The following ACSM5 variants were observed in gnomAD, a reference collection of about 807,000 sequenced individuals.
ACSM5 encodes acyl-CoA synthetase medium chain family member 5, also known as acyl-coenzyme A synthetase ACSM5, mitochondrial.
Under a neutral mutation model 71.6 loss-of-function variants are expected in ACSM5, and 56 were observed. The ratio of observed to expected loss-of-function variants is 0.78; its 90% CI spans 0.63 to 0.98. ACSM5 has a LOEUF of 0.98. ACSM5 is among the 50% of genes least tolerant of loss of function. The pLI is 0.00. For synonymous variants in ACSM5, 285 were observed against 281.5 expected (o/e 1.01, Z -0.12); for missense variants, 723 against 726.0 (o/e 1.00, Z 0.05).
chr16:20,438,290 A>T (rs1358499059), intron 12 of ACSM5, among the ~76,000 whole-genome samples: 1 of 152,010 alleles, frequency 6.6e-6, no homozygotes, highest in Non-Finnish European at 1.5e-5. Flanking sequence ...TCTCAGAAGC[A>T]TCAAGACCAC....
intron 1 of ACSM5, among the ~76,000 whole-genome samples, chr16:20,410,004 A>G (rs1019417266): frequency 1.3e-5 from 2 of 152,128 alleles, no homozygotes; most frequent in South Asian, 2.1e-4. Flanking sequence ...GCTGGGGCCT[A>G]TGTTTTTCCA....
At chr16:20,414,345 G>A (rs1204666863) in intron 2 of ACSM5, among the ~76,000 whole-genome samples, 1 of 152,158 alleles carries the variant, frequency 6.6e-6, no homozygotes, top group Non-Finnish European at 1.5e-5. Context: ...CTATGAGAAG[G>A]CAGGAGGGTC....
At chr16:20,422,934 T>C (rs1469958483) in intron 5 of ACSM5, among the ~76,000 whole-genome samples, 1 of 152,172 alleles carries the variant, frequency 6.6e-6, no homozygotes, top group Admixed American at 6.5e-5. Flanking sequence ...GGATGAGCTG[T>C]CTGGTGGCAA....
chr16:20,410,909 CA>C lies in ACSM5; in HGVS notation c.-15-553del, dbSNP rs374488705. The stretch of plus-strand genomic sequence containing the variant: ...ATTTCAGATTGTGAGGACTTAGTAC[CA>C]AAAAAAACAAAAAATAAATAAAAGT... On this transcript the variant is annotated intron_variant, in intron 1 of 13. Coordinates refer to ENST00000331849, the MANE Select transcript of ACSM5 (RefSeq NM_017888.3). Among the ~76,000 whole-genome samples, 202 of 150,292 alleles carry C rather than the reference CA, an allele frequency of 1.3e-3. 3 individuals carry two copies. In the South Asian group the frequency reaches 0.036, roughly 27 times the overall value.
chr16:20,440,066 T>C lies in ACSM5; in HGVS notation c.1656+147T>C, dbSNP rs559688481. The stretch of plus-strand genomic sequence containing the variant: ...TGGCTGCTGCTTCAGCTTTTTTCTG[T>C]ATTTCTTCACTTGGATTCTCCCCAA... On this transcript the variant is annotated intron_variant, in intron 13 of 13. Coordinates refer to ENST00000331849, the MANE Select transcript of ACSM5 (RefSeq NM_017888.3). The C allele has an allele frequency of 2.6e-6, 3 of 1,137,752 alleles. 1 individual carries two copies. The highest frequency in any genetic ancestry group is 2.5e-5 in the East Asian group (1 of 39,374). 70.5% of individuals were successfully genotyped at this position (1,137,752 alleles called of 1,614,324 possible). A position where few individuals can be genotyped will look rare whatever the true frequency, so the allele number is the denominator to read the frequency against.
chr16:20,440,589 G>C lies in ACSM5; in HGVS notation c.*162G>C, dbSNP rs1273211125. On this transcript the variant is annotated 3_prime_UTR_variant, in exon 14 of 14. Coordinates refer to ENST00000331849, the MANE Select transcript of ACSM5 (RefSeq NM_017888.3). ...CAGGATCACTGGGCAATGCTGGAAA[G>C]AGCAAAAGAATATCATTGGCCCTGA... The C allele has an allele frequency of 1.3e-5, 8 of 639,848 alleles. No individual in the cohort carries two copies. Among genetic ancestry groups the C allele is most frequent in the Non-Finnish European group, 2.0e-5 (7 of 358,526 alleles). 39.6% of individuals were successfully genotyped at this position (639,848 alleles called of 1,614,324 possible). A position where few individuals can be genotyped will look rare whatever the true frequency, so the allele number is the denominator to read the frequency against.
intron 4 of ACSM5, among the ~76,000 whole-genome samples, chr16:20,420,325 G>T (rs1349136417): frequency 6.6e-6 from 1 of 152,234 alleles, no homozygotes; most frequent in East Asian, 1.9e-4. Flanking sequence ...ATAGGGCCAG[G>T]CGCCATGGCT....
At chr16:20,418,505 G>A (rs539764507) in intron 3 of ACSM5, among the ~76,000 whole-genome samples, 2 of 152,318 alleles carry the variant, frequency 1.3e-5, no homozygotes, top group South Asian at 2.1e-4. Flanking sequence ...CGGCAAACTG[G>A]AGATCACATG....
At chr16:20,435,178 G>A (rs530545428) in intron 10 of ACSM5, among the ~76,000 whole-genome samples, 14 of 151,988 alleles carry the variant, frequency 9.2e-5, no homozygotes, top group Non-Finnish European at 1.3e-4. Context: ...GATTACAGGC[G>A]CCTGCCGCCA....
At chr16:20,416,845 A>G (rs1329774432) in intron 2 of ACSM5, among the ~76,000 whole-genome samples, 1 of 152,154 alleles carries the variant, frequency 6.6e-6, no homozygotes, top group African/African-American at 2.4e-5. Context: ...CTCAAACTAG[A>G]CAGTGAAAAA....
chr16:20,421,086 T>C, intron 4 of ACSM5, 172 bp from the exon 5 acceptor site: 3 of 679,790 alleles, frequency 4.4e-6, no homozygotes, highest in Non-Finnish European at 6.5e-6. Context: ...AGGGTTATAA[T>C]GATAGTACCT....
intron 6 of ACSM5, among the ~76,000 whole-genome samples, chr16:20,424,288 C>T (rs1378451439): frequency 2.0e-5 from 3 of 152,162 alleles, no homozygotes; most frequent in Non-Finnish European, 4.4e-5. Context: ...CATTTTGTTG[C>T]TATTTCTTTT....
Position 20,429,816 on chromosome 16 carries a change from G to C in ACSM5, c.1125+15G>C, listed in dbSNP as rs1236573134. 1 of 1,610,478 alleles carries C rather than the reference G, an allele frequency of 6.2e-7. No homozygotes were observed. Among genetic ancestry groups the C allele is most frequent in the African/African-American group, 1.3e-5 (1 of 74,866 alleles). ...AGTCTGAAACGGTGAGTGCTGGAGG[G>C]GCCAGGTCCCTACCCCCCAGGTCCC... On this transcript the variant is annotated intron_variant, in intron 8 of 13. Coordinates refer to ENST00000331849, the MANE Select transcript of ACSM5 (RefSeq NM_017888.3).
chr16:20,431,146 G>C lies in ACSM5; in HGVS notation c.1206+73G>C, dbSNP rs528029586. 6 of 1,589,154 alleles carry C rather than the reference G, an allele frequency of 3.8e-6. No individual in the cohort carries two copies. In the South Asian group the frequency reaches 6.7e-5, roughly 18 times the overall value. On this transcript the variant is annotated intron_variant, in intron 9 of 13. Transcript: ENST00000331849. ...AAGACACACAGGCCTGGTTGGCACG[G>C]GCTGCTGGGCTGCTGGGAGAGGCCC...
chr16:20,430,174 C>T lies in ACSM5; in HGVS notation c.1125+373C>T, dbSNP rs530479470. Among the ~76,000 whole-genome samples the T allele has an allele frequency of 1.1e-4, 16 of 150,660 alleles. No homozygotes were observed. In the South Asian group the frequency reaches 1.7e-3, roughly 16 times the overall value. On this transcript the variant is annotated intron_variant, in intron 8 of 13. Transcript: ENST00000331849. ...AGAATTCATCCATGTTACAAAAAAA[C>T]GCTCGAACCCAAAAAGCTATTGAAA...
At chr16:20,429,202 G>A (rs1309633132) in intron 7 of ACSM5, among the ~76,000 whole-genome samples, 12 of 151,982 alleles carry the variant, frequency 7.9e-5, no homozygotes, top group Non-Finnish European at 1.5e-4. Flanking sequence ...CGGTAGAGAC[G>A]GGGTTTTACC....
intron 4 of ACSM5, among the ~76,000 whole-genome samples, chr16:20,420,903 T>A (rs1966875553): frequency 6.6e-6 from 1 of 151,672 alleles, no homozygotes; most frequent in East Asian, 1.9e-4. Flanking sequence ...TAGAAAAGAG[T>A]TCTAAATTAT....
intron 10 of ACSM5, among the ~76,000 whole-genome samples, chr16:20,434,284 A>G (rs1967153626): frequency 6.6e-6 from 1 of 152,172 alleles, no homozygotes; most frequent in African/African-American, 2.4e-5. Context: ...TCTGTGGTTG[A>G]TGTATGCATG....
intron 12 of ACSM5, among the ~76,000 whole-genome samples, chr16:20,437,932 C>CTGAT (rs1967235320): frequency 7.7e-6 from 1 of 129,628 alleles, no homozygotes; most frequent in Non-Finnish European, 1.6e-5. Context: ...AAGTGATCTT[C>CTGAT]CTGCCCCAGC....
Sources: allele counts gnomAD v4.1 joint callset (sites outside exome capture counted in the v4.1 genomes callset), GRCh38; gene constraint gnomAD v4.1.1; transcripts MANE v1.5; gene names NCBI Gene and HGNC (gene_info 2026-07-23, HGNC 2026-07-21).